ROBO2: variants seen among roughly 807,000 people sequenced by gnomAD.
ROBO2 encodes the protein roundabout homolog 2.
A neutral mutation model predicts 160.8 loss-of-function variants in ROBO2; 53 were observed. The ratio of observed to expected loss-of-function variants is 0.33; its 90% confidence interval spans 0.26 to 0.41. The LOEUF is 0.41. ROBO2 is among the 10% of genes least tolerant of loss of function. ROBO2 has a pLI of 1.00. For synonymous variants in ROBO2, 664 were observed against 611.7 expected (o/e 1.09, Z -1.26); for missense variants, 1,577 against 1,722.4 (o/e 0.92, Z 1.49).
chr3:77,298,827 G>A (rs899318291), intron 2 of ROBO2, among the ~76,000 whole-genome samples: 4 of 152,128 alleles, frequency 2.6e-5, no homozygotes, highest in Non-Finnish European at 5.9e-5. Context: ...TAAAGCAATA[G>A]ACCCTGCCCT....
intron 2 of ROBO2, among the ~76,000 whole-genome samples, chr3:77,263,910 G>C (rs1193908340): frequency 1.3e-5 from 2 of 152,116 alleles, no homozygotes; most frequent in African/African-American, 2.4e-5. Flanking sequence ...TCTAAGCATT[G>C]TGTCTTGGTG....
In ROBO2 at chr3:76,555,632, C is replaced by T. The variant is rs74389940; in HGVS notation, c.110-542382C>T. Among the ~76,000 whole-genome samples, 18 of 152,190 alleles carry T rather than the reference C, an allele frequency of 1.2e-4. No homozygotes were observed. In the East Asian group the frequency reaches 2.1e-3, roughly 18 times the overall value. The stretch of plus-strand genomic sequence containing the variant: ...AGATGGCTCTTTGAATTTCCCATGA[C>T]TTAAGTTGAGAAATGAAGTACTCTA... On this transcript the variant is annotated intron_variant, in intron 2 of 26. Coordinates refer to the ROBO2 transcript ENST00000487694.
intron 2 of ROBO2, among the ~76,000 whole-genome samples, chr3:77,210,445 A>C (rs1421663704): frequency 6.6e-6 from 1 of 152,174 alleles, no homozygotes; most frequent in East Asian, 1.9e-4. Context: ...GTCATATAAC[A>C]ATACAATATA....
intron 2 of ROBO2, among the ~76,000 whole-genome samples, chr3:77,249,628 T>TC (rs1256820409): frequency 1.3e-5 from 1 of 78,358 alleles, no homozygotes; most frequent in Non-Finnish European, 3.1e-5. Context: ...TACAACTTTT[T>TC]TTTTATTTAA....
chr3:76,723,569 G>A (rs566962881), intron 2 of ROBO2, among the ~76,000 whole-genome samples: 6 of 152,108 alleles, frequency 3.9e-5, no homozygotes, highest in South Asian at 4.2e-4. Flanking sequence ...TCTAGGCCCC[G>A]CCCACTTCAT....
chr3:75,996,781 AAATCATCAATTCTGATATATG>A (rs2107539766), intron 2 of ROBO2, among the ~76,000 whole-genome samples: 1 of 81,498 alleles, frequency 1.2e-5, no homozygotes, highest in African/African-American at 3.5e-5. Flanking sequence ...TGATATATGT[AAATCATCAATTCTGATATATG>A]TAAATCATCA....
At chr3:77,442,795 T>C (rs1024281569) in intron 2 of ROBO2, among the ~76,000 whole-genome samples, 1 of 152,206 alleles carries the variant, frequency 6.6e-6, no homozygotes, top group Non-Finnish European at 1.5e-5. Flanking sequence ...TTCCAAGATC[T>C]ATTGTGATGT....
At chr3:76,952,398 T>C (rs1300515296) in intron 2 of ROBO2, among the ~76,000 whole-genome samples, 1 of 152,178 alleles carries the variant, frequency 6.6e-6, no homozygotes, top group Non-Finnish European at 1.5e-5. Context: ...TTCTCCTGCC[T>C]CAGCCTCCCA....
At chr3:77,457,506 A>T (rs996460991) in intron 2 of ROBO2, among the ~76,000 whole-genome samples, 4 of 152,148 alleles carry the variant, frequency 2.6e-5, no homozygotes, top group African/African-American at 9.7e-5. Context: ...CCTATATATA[A>T]ATACAAGTTA....
At chr3:76,822,433 T>C (rs1057207070) in intron 2 of ROBO2, among the ~76,000 whole-genome samples, 8 of 152,030 alleles carry the variant, frequency 5.3e-5, no homozygotes, top group Admixed American at 5.2e-4. Flanking sequence ...CTTATGAGTT[T>C]CATTTTTAGT....
intron 2 of ROBO2, among the ~76,000 whole-genome samples, chr3:76,965,214 C>G (rs1051781996): frequency 6.6e-6 from 1 of 152,344 alleles, no homozygotes; most frequent in Non-Finnish European, 1.5e-5. Flanking sequence ...TGCATGATAG[C>G]TGGAGGTCTC....
chr3:77,643,183 T>C (rs1016344101), intron 24 of ROBO2, among the ~76,000 whole-genome samples: 1 of 152,222 alleles, frequency 6.6e-6, no homozygotes, highest in African/African-American at 2.4e-5. Context: ...AGGCTTCATC[T>C]AAACGGCTCA....
At position 76,414,733 on chromosome 3, in the gene ROBO2, A is replaced by G. The variant is rs573112766; in HGVS notation, c.109+477131A>G. Among the ~76,000 whole-genome samples, 5 of 150,770 alleles carry G rather than the reference A, an allele frequency of 3.3e-5. 1 individual carries two copies. The highest frequency in any genetic ancestry group is 1.3e-4 in the Admixed American group (2 of 15,160). The stretch of plus-strand genomic sequence containing the variant: ...TATACATATGTAACTAACCTGCACA[A>G]TGTGCACATGTACCCTAAAACTTAA... On this transcript the variant is annotated intron_variant, in intron 2 of 26. Transcript: ENST00000487694.
At chr3:76,249,625 A>G (rs1705858349) in intron 2 of ROBO2, among the ~76,000 whole-genome samples, 1 of 152,140 alleles carries the variant, frequency 6.6e-6, no homozygotes, top group Non-Finnish European at 1.5e-5. Context: ...TAGCTATGCC[A>G]TGTTTGATGA....
chr3:76,216,010 A>T (rs1322252920), intron 2 of ROBO2, among the ~76,000 whole-genome samples: 1 of 152,332 alleles, frequency 6.6e-6, no homozygotes, highest in South Asian at 2.1e-4. Flanking sequence ...AATATTCAAC[A>T]TTCTTAAAGG....
At chr3:77,569,902 C>T (rs2093595510) in intron 13 of ROBO2, among the ~76,000 whole-genome samples, 1 of 151,850 alleles carries the variant, frequency 6.6e-6, no homozygotes, top group African/African-American at 2.4e-5. Context: ...ATTACACTTT[C>T]TTATTCCAGT....
At chr3:76,357,400 T>C (rs1246593284) in intron 2 of ROBO2, among the ~76,000 whole-genome samples, 1 of 151,772 alleles carries the variant, frequency 6.6e-6, no homozygotes, top group Non-Finnish European at 1.5e-5. Flanking sequence ...TGCAACAATA[T>C]CGATGAACCT....
intron 2 of ROBO2, among the ~76,000 whole-genome samples, chr3:77,222,962 C>A (rs1580146296): frequency 6.6e-6 from 1 of 152,166 alleles, no homozygotes; most frequent in Non-Finnish European, 1.5e-5. Context: ...ATCCACTTCA[C>A]CCTGTCAAAA....
chr3:77,575,677 G>A (rs775730), intron 14 of ROBO2, among the ~76,000 whole-genome samples: 151,886 of 152,250 alleles, frequency 1, 75,762 homozygotes, highest in Middle Eastern at 1. Flanking sequence ...TTGAAAAGTT[G>A]CCAGTAATTA....
Sources: gnomAD v4.1 joint callset for allele counts (sites outside exome capture counted in the v4.1 genomes callset) on GRCh38, gnomAD v4.1.1 for gene constraint, MANE v1.5 for transcripts, NCBI Gene and HGNC (gene_info 2026-07-23, HGNC 2026-07-21) for gene names.